Variants in CNOT8 observed in about 807,000 individuals in gnomAD.
The protein encoded by CNOT8 is CCR4-NOT transcription complex subunit 8.
CNOT8 carries 18 observed loss-of-function variants against 34.6 expected under a neutral mutation model. The ratio of observed to expected loss-of-function variants is 0.52; its 90% CI spans 0.36 to 0.77. CNOT8 has a LOEUF of 0.77. Ranked by LOEUF, CNOT8 falls within the 30% of genes least tolerant of loss-of-function variation. CNOT8 has a pLI of 0.00. For synonymous variants in CNOT8, 101 were observed against 118.8 expected (o/e 0.85, Z 0.98); for missense variants, 189 against 347.9 (o/e 0.54, Z 3.63).
chr5:154,873,368 C>G (rs2544890), intron 6 of CNOT8, among the ~76,000 whole-genome samples: 25,240 of 152,224 alleles, frequency 0.17, 2,807 homozygotes, highest in African/African-American at 0.32. Context: ...TCCAGAACTT[C>G]ATGTTCTTGT....
intron 3 of CNOT8, among the ~76,000 whole-genome samples, chr5:154,869,465 G>A (rs552578044): frequency 7.0e-6 from 1 of 142,750 alleles, no homozygotes; most frequent in African/African-American, 2.6e-5. Flanking sequence ...ATTTTTTTGA[G>A]ACAGAGTCTT....
chr5:154,861,751 T>C (rs1376000775), intron 1 of CNOT8, among the ~76,000 whole-genome samples: 2 of 152,194 alleles, frequency 1.3e-5, no homozygotes, highest in Admixed American at 1.3e-4. Context: ...CAGGCTGGAG[T>C]GCGGTGGCGC....
At position 154,875,611 on chromosome 5, in the gene CNOT8, C is replaced by T. The variant is rs1248013250; in HGVS notation, c.*172C>T. 1 of 684,630 alleles carries T rather than the reference C, an allele frequency of 1.5e-6. No homozygotes were observed. The highest frequency in any genetic ancestry group is 2.3e-6 in the Non-Finnish European group (1 of 432,462). The allele number at this position is 684,630 out of a possible 1,614,324, so 42.4% of individuals were successfully genotyped here. On this transcript the variant is annotated 3_prime_UTR_variant, in exon 7 of 7. Transcript: ENST00000285896. ...AGACAAAAGATGTTTTTATTTTAGACCCAGAAGAGAGGAGTTTGCTCTGAA... is the reference window on the plus strand; with the variant it reads ...AGACAAAAGATGTTTTTATTTTAGATCCAGAAGAGAGGAGTTTGCTCTGAA...
intron 1 of CNOT8, among the ~76,000 whole-genome samples, chr5:154,862,770 CT>C (rs1342454903): frequency 6.6e-6 from 1 of 152,168 alleles, no homozygotes; most frequent in African/African-American, 2.4e-5. Context: ...GGTCCACATT[CT>C]TTCAGGTTTT....
At chr5:154,865,682 A>ACACC (rs1336015195) in intron 3 of CNOT8, among the ~76,000 whole-genome samples, 1 of 152,228 alleles carries the variant, frequency 6.6e-6, no homozygotes, top group African/African-American at 2.4e-5. Context: ...ATACCACTTC[A>ACACC]CACCCACTAG....
chr5:154,867,674 C>CT, intron 3 of CNOT8: 1 of 271,930 alleles, frequency 3.7e-6, no homozygotes. Context: ...CTTCAAAGAA[C>CT]TTTTTTCCTT....
At chr5:154,865,081 G>A (rs1380223346) in intron 2 of CNOT8, 111 bp from the exon 3 acceptor site, 8 of 932,152 alleles carry the variant, frequency 8.6e-6, no homozygotes, top group Non-Finnish European at 1.3e-5. Flanking sequence ...CCCAAGTTTG[G>A]GGCTTGCCAC....
intron 3 of CNOT8, among the ~76,000 whole-genome samples, chr5:154,866,838 G>A (rs1316996637): frequency 6.6e-6 from 1 of 152,186 alleles, no homozygotes; most frequent in Non-Finnish European, 1.5e-5. Flanking sequence ...ACTTGAACCT[G>A]TGAGGTGGAG....
Position 154,868,373 on chromosome 5 carries a change from A to C in CNOT8, c.312-2288A>C, listed in dbSNP as rs567029280. On this transcript the variant is annotated intron_variant, in intron 3 of 6. Transcript: ENST00000285896. ...AACCTCCACCTCCCAGGTTCAAGCA[A>C]TTCTCTGCCTCAGCCTCCTAAGTAG... Among the ~76,000 whole-genome samples the C allele has an allele frequency of 2.7e-5, 4 of 145,588 alleles. No individual in the cohort carries two copies. The South Asian group carries it at 8.7e-4, about 32-fold the overall frequency.
intron 2 of CNOT8, among the ~76,000 whole-genome samples, chr5:154,864,158 T>C (rs576557171): frequency 1.4e-4 from 22 of 152,280 alleles, no homozygotes; most frequent in African/African-American, 5.1e-4. Context: ...TTGTGACTCC[T>C]GCTTTAGAAA....
intron 5 of CNOT8, 27 bp downstream of exon 5, chr5:154,871,901 T>C: frequency 1.3e-6 from 2 of 1,590,090 alleles, no homozygotes; most frequent in East Asian, 4.5e-5. Context: ...TTAATACCAG[T>C]AACAAAAAGA....
At chr5:154,867,622 C>T in intron 3 of CNOT8, 1 of 238,964 alleles carries the variant, frequency 4.2e-6, no homozygotes, top group Non-Finnish European at 8.6e-6. Flanking sequence ...CCCTGACCTT[C>T]ATGGAAGCAT....
chr5:154,865,250 AT>A lies in CNOT8; in HGVS notation c.178del (p.Tyr60ThrfsTer13). ...ATTGGTGAATTTCGTAGTTCCATAGATTACCAATATCAGCTTCTGCGGTGCA... is the reference window on the plus strand; with the variant it reads ...ATTGGTGAATTTCGTAGTTCCATAGATACCAATATCAGCTTCTGCGGTGCA... ...RPIGEFRSSI[D>X]YQYQLLRCNV... is the part of the protein sequence containing the mutation. On this transcript the variant is annotated frameshift_variant, in exon 3 of 7. Transcript: ENST00000285896. LOFTEE classifies it high-confidence loss of function. 6.2e-7 allele frequency: 1 copy of A among 1,611,182 alleles called. No homozygotes were observed. The highest frequency in any genetic ancestry group is 1.1e-5 in the South Asian group (1 of 90,134).
chr5:154,873,386 A>T (rs942280177), intron 6 of CNOT8, among the ~76,000 whole-genome samples: 1 of 152,224 alleles, frequency 6.6e-6, no homozygotes, highest in African/African-American at 2.4e-5. Context: ...TGTCAGCTCT[A>T]ATCCTTTCAG....
chr5:154,873,312 G>A (rs775123435), intron 6 of CNOT8, among the ~76,000 whole-genome samples: 1 of 152,206 alleles, frequency 6.6e-6, no homozygotes, highest in Non-Finnish European at 1.5e-5. Context: ...GCATTCTGAC[G>A]TGAAAGCCAC....
intron 1 of CNOT8, chr5:154,859,674 A>G (rs1172187978): frequency 1.3e-5 from 2 of 152,216 alleles, no homozygotes; most frequent in African/African-American, 4.8e-5. Flanking sequence ...ATCAGACTCA[A>G]CGTTTCTTTT....
intron 6 of CNOT8, 127 bp from the exon 7 acceptor site, chr5:154,875,163 C>A: frequency 9.9e-7 from 1 of 1,005,722 alleles, no homozygotes; most frequent in Non-Finnish European, 1.5e-6. Flanking sequence ...GTGATCTGCC[C>A]GCCTCAGCCT....
chr5:154,870,395 T>G (rs965605706), intron 3 of CNOT8: 1 of 248,404 alleles, frequency 4.0e-6, no homozygotes, highest in East Asian at 1.0e-4. Context: ...TATTGGTTTT[T>G]TTTTTTTTTT....
At chr5:154,859,190 A>G in intron 1 of CNOT8, 1 of 152,246 alleles carries the variant, frequency 6.6e-6, no homozygotes, top group East Asian at 1.9e-4. Context: ...CAAAAACAGA[A>G]GAAGAATGGC....
Sources: gnomAD v4.1 joint callset for allele counts (sites outside exome capture counted in the v4.1 genomes callset) on GRCh38, gnomAD v4.1.1 for gene constraint, MANE v1.5 for transcripts, NCBI Gene and HGNC (gene_info 2026-07-23, HGNC 2026-07-21) for gene names.